GLRA3: variants seen among roughly 807,000 people sequenced by gnomAD.
GLRA3 encodes glycine receptor alpha 3.
Under a neutral mutation model 60.4 loss-of-function variants are expected in GLRA3, and 44 were observed. The ratio of observed to expected loss-of-function variants is 0.73; its 90% CI spans 0.57 to 0.94. The LOEUF (loss-of-function observed/expected upper bound fraction) is 0.94, where lower values mean the gene tolerates loss of function less well. Ranked by LOEUF, GLRA3 falls within the 40% of genes least tolerant of loss-of-function variation. GLRA3 has a pLI of 0.00. For missense variants in GLRA3, 508 were observed against 564.6 expected (o/e 0.90, Z 1.02); for synonymous variants, 223 against 192.9 (o/e 1.16, Z -1.29).
chr4:174,671,568 A>G (rs553740053), intron 7 of GLRA3, among the ~76,000 whole-genome samples: 1 of 150,450 alleles, frequency 6.6e-6, no homozygotes, highest in East Asian at 1.9e-4. Context: ...ATATTTTCTA[A>G]TAGTTATAAT....
chr4:174,773,333 T>C (rs147300849), intron 2 of GLRA3, among the ~76,000 whole-genome samples: 164 of 150,800 alleles, frequency 1.1e-3, no homozygotes, highest in African/African-American at 3.7e-3. Flanking sequence ...TTTAAAGAAA[T>C]AGAAGATGGC....
At chr4:174,823,512 G>A (rs1235084780) in intron 1 of GLRA3, among the ~76,000 whole-genome samples, 1 of 151,902 alleles carries the variant, frequency 6.6e-6, no homozygotes, top group African/African-American at 2.4e-5. Flanking sequence ...GCAACAGAGC[G>A]AGACTCTGTC....
At chr4:174,782,940 A>C (rs1030846851) in intron 2 of GLRA3, among the ~76,000 whole-genome samples, 23 of 152,250 alleles carry the variant, frequency 1.5e-4, no homozygotes, top group African/African-American at 2.4e-4. Context: ...GCTACCAATG[A>C]CTTTCTTCAC....
rs1284331181 is a variant in GLRA3, at chr4:174,726,360, C to A, written c.491+2115G>T. Among the ~76,000 whole-genome samples, 4 of 152,252 alleles carry A rather than the reference C, an allele frequency of 2.6e-5. No individual in the cohort carries two copies. The East Asian group carries it at 7.7e-4, about 29-fold the overall frequency. On this transcript the variant is annotated intron_variant, in intron 4 of 9. Coordinates refer to ENST00000274093, the MANE Select transcript of GLRA3 (RefSeq NM_006529.4). ...AGTTAGGTGTGATGGTACCTCAATA[C>A]CACCTGGTAAGACTGGAAGTCTGGG...
At chr4:174,808,965 TTTAA>T (rs1740157966) in intron 1 of GLRA3, among the ~76,000 whole-genome samples, 1 of 152,156 alleles carries the variant, frequency 6.6e-6, no homozygotes, top group African/African-American at 2.4e-5. Flanking sequence ...GAAAATATTT[TTTAA>T]TTTAGTGTAG....
chr4:174,712,832 G>C (rs1254216508), intron 5 of GLRA3: 1 of 151,706 alleles, frequency 6.6e-6, no homozygotes, highest in Non-Finnish European at 1.5e-5. Flanking sequence ...GATACAAATT[G>C]TTCTTAAAAC....
At chr4:174,810,341 A>G (rs1001081442) in intron 1 of GLRA3, among the ~76,000 whole-genome samples, 2 of 152,078 alleles carry the variant, frequency 1.3e-5, no homozygotes, top group African/African-American at 4.8e-5. Context: ...GAGAGGCAAG[A>G]ACAAATTCTC....
chr4:174,757,485 C>T (rs1196116365), intron 3 of GLRA3, among the ~76,000 whole-genome samples: 1 of 152,088 alleles, frequency 6.6e-6, no homozygotes, highest in Non-Finnish European at 1.5e-5. Flanking sequence ...CTTATATTTA[C>T]AGAACACAAA....
At chr4:174,694,056 A>T (rs1734959587) in intron 5 of GLRA3, among the ~76,000 whole-genome samples, 1 of 123,970 alleles carries the variant, frequency 8.1e-6, no homozygotes. Flanking sequence ...ATATATATGC[A>T]CCTACCACAG....
Position 174,639,412 on chromosome 4 carries a change from A to T in GLRA3, c.*4374T>A, listed in dbSNP as rs1346147505. On this transcript the variant is annotated 3_prime_UTR_variant, in exon 10 of 10. Coordinates refer to ENST00000274093, the MANE Select transcript of GLRA3 (RefSeq NM_006529.4). ...TGTGTGTGTGTGTGTGTGTGTGTGA[A>T]AGAGAGAGAGAGAGAGGGAAAGGGA... is the stretch of plus-strand genomic sequence containing the variant. The T allele has an allele frequency of 7.6e-6, 1 of 131,562 alleles. No homozygotes were observed. The allele number at this position is 131,562 out of a possible 1,614,324, so 8.1% of individuals were successfully genotyped here.
chr4:174,790,731 A>G (rs1579613713), intron 1 of GLRA3, among the ~76,000 whole-genome samples: 1 of 151,200 alleles, frequency 6.6e-6, no homozygotes, highest in Non-Finnish European at 1.5e-5. Flanking sequence ...CTGTAATCCC[A>G]GCACTTTGGG....
chr4:174,790,851 G>A (rs377521699), intron 1 of GLRA3, among the ~76,000 whole-genome samples: 14,829 of 112,614 alleles, frequency 0.13, 1,263 homozygotes, highest in East Asian at 0.41. Flanking sequence ...AAAAAAGAAA[G>A]AAATTAGCCG....
chr4:174,725,419 T>A (rs760764191), intron 4 of GLRA3, among the ~76,000 whole-genome samples: 20 of 152,246 alleles, frequency 1.3e-4, no homozygotes, highest in Non-Finnish European at 2.5e-4. Flanking sequence ...CAAGCATATT[T>A]GTAATTGCTC....
At chr4:174,713,080 G>A (rs1349460022) in intron 5 of GLRA3, among the ~76,000 whole-genome samples, 1 of 152,028 alleles carries the variant, frequency 6.6e-6, no homozygotes, top group Non-Finnish European at 1.5e-5. Flanking sequence ...CTTCTACTTT[G>A]ACTGACATTA....
At chr4:174,808,257 G>A (rs537787209) in intron 1 of GLRA3, among the ~76,000 whole-genome samples, 13 of 152,058 alleles carry the variant, frequency 8.5e-5, no homozygotes, top group Admixed American at 7.9e-4. Flanking sequence ...CATGCACCAC[G>A]TAACGACATT....
intron 5 of GLRA3, among the ~76,000 whole-genome samples, chr4:174,698,397 C>T (rs1033240548): frequency 5.9e-5 from 9 of 152,060 alleles, no homozygotes; most frequent in African/African-American, 1.9e-4. Flanking sequence ...TTATGTTCCC[C>T]AGGGTGATCT....
chr4:174,697,000 A>G (rs1244017912), intron 5 of GLRA3, among the ~76,000 whole-genome samples: 1 of 152,210 alleles, frequency 6.6e-6, no homozygotes, highest in Non-Finnish European at 1.5e-5. Flanking sequence ...AGTTTTGAAG[A>G]ATACATTCAA....
chr4:174,715,690 C>G (rs1735893021), intron 4 of GLRA3, 120 bp from the exon 5 acceptor site: 1 of 544,374 alleles, frequency 1.8e-6, no homozygotes, highest in African/African-American at 1.9e-5. Context: ...AAAATTTCTC[C>G]AGCTTATGTA....
At chr4:174,652,797 CAT>C (rs1733069212) in intron 9 of GLRA3, among the ~76,000 whole-genome samples, 1 of 152,046 alleles carries the variant, frequency 6.6e-6, no homozygotes, top group Non-Finnish European at 1.5e-5. Context: ...TATATTAACA[CAT>C]GTGTGAGGCA....
Sources: gnomAD v4.1 joint callset for allele counts (sites outside exome capture counted in the v4.1 genomes callset) on GRCh38, gnomAD v4.1.1 for gene constraint, MANE v1.5 for transcripts, NCBI Gene and HGNC (gene_info 2026-07-23, HGNC 2026-07-21) for gene names.